Variants in CSMD1 observed in about 807,000 individuals in gnomAD.
CSMD1 encodes the protein CUB and sushi domain-containing protein 1.
In CSMD1, 213 loss-of-function variants were observed where a neutral mutation model predicts 417.5. That is an observed-to-expected ratio of 0.51 (90% CI 0.46 to 0.57). The LOEUF (loss-of-function observed/expected upper bound fraction) is 0.57. Among genes scored for constraint, CSMD1 ranks in the 20% least tolerant of loss-of-function variants. The pLI, the probability that CSMD1 is intolerant of heterozygous loss-of-function variation, is 0.00. For missense variants in CSMD1, 6,923 were observed against 4,529.7 expected, an observed-to-expected ratio of 1.53 and a Z score of -15.17; for synonymous variants, 2,862 against 1,736.8, an observed-to-expected ratio of 1.65 and a Z score of -16.11.
chr8:4,365,773 T>C (rs944745474), intron 3 of CSMD1, among the ~76,000 whole-genome samples: 7 of 152,188 alleles, frequency 4.6e-5, no homozygotes, highest in Non-Finnish European at 1.0e-4. Context: ...GAATTTATAG[T>C]CAAGTCCTGA....
chr8:3,921,350 A>C (rs1271893277), intron 5 of CSMD1, among the ~76,000 whole-genome samples: 1 of 151,994 alleles, frequency 6.6e-6, no homozygotes, highest in East Asian at 1.9e-4. Flanking sequence ...ATAAAATTTC[A>C]GTATTTTTCA....
At chr8:4,183,121 A>G (rs1798471149) in intron 3 of CSMD1, among the ~76,000 whole-genome samples, 1 of 152,194 alleles carries the variant, frequency 6.6e-6, no homozygotes, top group Non-Finnish European at 1.5e-5. Context: ...ATCTTTATGC[A>G]GTGATAATTT....
intron 26 of CSMD1, among the ~76,000 whole-genome samples, chr8:3,239,930 C>T (rs149200134): frequency 0.078 from 11,613 of 148,230 alleles, 640 homozygotes; most frequent in Admixed American, 0.14. Context: ...GTGGGAGACT[C>T]AACAAAGAGT....
At chr8:4,413,019 C>G (rs952816496) in intron 3 of CSMD1, among the ~76,000 whole-genome samples, 4 of 152,176 alleles carry the variant, frequency 2.6e-5, no homozygotes, top group Non-Finnish European at 5.9e-5. Context: ...AACTTGAAGT[C>G]TATACAATGT....
chr8:4,745,687 AT>A (rs1427319139), intron 1 of CSMD1, among the ~76,000 whole-genome samples: 1 of 152,220 alleles, frequency 6.6e-6, no homozygotes, highest in African/African-American at 2.4e-5. Flanking sequence ...AGCTTTCACA[AT>A]TCTTAGCTAC....
chr8:3,656,005 A>T (rs1431447493), intron 7 of CSMD1, among the ~76,000 whole-genome samples: 3 of 152,102 alleles, frequency 2.0e-5, no homozygotes, highest in Non-Finnish European at 4.4e-5. Context: ...TGGTGAAATA[A>T]GTTTTATTCT....
At chr8:3,312,605 C>A (rs185024123) in intron 23 of CSMD1, among the ~76,000 whole-genome samples, 43 of 152,236 alleles carry the variant, frequency 2.8e-4, no homozygotes, top group African/African-American at 9.4e-4. Context: ...TAGGCCTTTA[C>A]AATGGGAAGT....
At chr8:4,243,818 T>A (rs985141916) in intron 3 of CSMD1, among the ~76,000 whole-genome samples, 1 of 152,282 alleles carries the variant, frequency 6.6e-6, no homozygotes, top group African/African-American at 2.4e-5. Context: ...ATCTTTACAA[T>A]GAAACAAAGA....
intron 3 of CSMD1, among the ~76,000 whole-genome samples, chr8:4,151,369 TCA>T (rs1458332533): frequency 2.6e-5 from 4 of 152,196 alleles, no homozygotes; most frequent in African/African-American, 9.6e-5. Flanking sequence ...TAACTACAAT[TCA>T]GTTTCTAGAT....
In CSMD1 at chr8:3,370,514, G is replaced by A. The variant is rs375625073; in HGVS notation, c.2783-1144C>T. Among the ~76,000 whole-genome samples the A allele has an allele frequency of 6.6e-5, 10 of 152,204 alleles. No homozygotes were observed. In the East Asian group the frequency reaches 1.2e-3, roughly 18 times the overall value. Reference sequence around the variant, plus strand: ...CTGTGATGGTGAAGGTTATGTGCCAGTGTGACTGGGCTAAGGGCTGCCCAG... The same window carrying A: ...CTGTGATGGTGAAGGTTATGTGCCAATGTGACTGGGCTAAGGGCTGCCCAG... On this transcript the variant is annotated intron_variant, in intron 18 of 69. Transcript: ENST00000635120.
chr8:3,796,537 T>C (rs1373238549), intron 5 of CSMD1, among the ~76,000 whole-genome samples: 2 of 145,060 alleles, frequency 1.4e-5, no homozygotes, highest in Non-Finnish European at 3.0e-5. Flanking sequence ...CTAAGATATA[T>C]ATCTATATCC....
intron 7 of CSMD1, among the ~76,000 whole-genome samples, chr8:3,618,569 T>C (rs1218072931): frequency 6.6e-6 from 1 of 152,130 alleles, no homozygotes; most frequent in Non-Finnish European, 1.5e-5. Context: ...TTTCTCAATA[T>C]TATATCAAAA....
At chr8:3,878,802 G>A (rs1041962996) in intron 5 of CSMD1, among the ~76,000 whole-genome samples, 19 of 152,068 alleles carry the variant, frequency 1.2e-4, no homozygotes, top group African/African-American at 4.1e-4. Context: ...TAACTATAAC[G>A]ACGACCACAA....
In CSMD1 at chr8:4,594,195, C is replaced by CTTTTTT. The variant is rs771415822; in HGVS notation, c.302+43141_302+43146dup. 9.0e-4 allele frequency among the ~76,000 whole-genome samples: 83 copies of CTTTTTT among 92,370 alleles called. 5 individuals carry two copies. Among genetic ancestry groups the CTTTTTT allele is most frequent in the African/African-American group, 2.7e-3 (62 of 23,276 alleles). 60.6% of individuals were successfully genotyped at this position (92,370 alleles called of 152,430 possible). ...TTAACTTGATTAATTCTAAAGTGAT[C>CTTTTTT]TTTTTTTTTTTTTTTTTTTTTTCTC... On this transcript the variant is annotated intron_variant, in intron 2 of 69. Coordinates refer to ENST00000635120, the MANE Select transcript of CSMD1 (RefSeq NM_033225.6).
intron 1 of CSMD1, among the ~76,000 whole-genome samples, chr8:4,962,560 T>A (rs1809577112): frequency 6.6e-6 from 1 of 152,154 alleles, no homozygotes; most frequent in Non-Finnish European, 1.5e-5. Flanking sequence ...TCTGATTAGT[T>A]TACTATAGGA....
intron 3 of CSMD1, among the ~76,000 whole-genome samples, chr8:4,330,684 G>C (rs1230764083): frequency 1.3e-5 from 2 of 151,930 alleles, no homozygotes; most frequent in Admixed American, 1.3e-4. Flanking sequence ...ACACTCCTAG[G>C]TGTTTGCTCA....
At chr8:4,838,998 C>G (rs966137652) in intron 1 of CSMD1, among the ~76,000 whole-genome samples, 5 of 152,202 alleles carry the variant, frequency 3.3e-5, no homozygotes, top group Non-Finnish European at 7.3e-5. Context: ...ATTTTGCCTC[C>G]TTAACATTCA....
chr8:4,919,658 G>C (rs1043176840), intron 1 of CSMD1, among the ~76,000 whole-genome samples: 1 of 152,134 alleles, frequency 6.6e-6, no homozygotes, highest in Non-Finnish European at 1.5e-5. Flanking sequence ...CCAGTACATT[G>C]TACTACTAAT....
At chr8:2,983,951 A>G (rs993873056) in intron 54 of CSMD1, among the ~76,000 whole-genome samples, 5 of 152,354 alleles carry the variant, frequency 3.3e-5, no homozygotes, top group African/African-American at 1.2e-4. Flanking sequence ...ATGTGAAATT[A>G]AAAATTAATA....
Sources: gnomAD v4.1 joint callset for allele counts (sites outside exome capture counted in the v4.1 genomes callset) on GRCh38, gnomAD v4.1.1 for gene constraint, MANE v1.5 for transcripts, NCBI Gene and HGNC (gene_info 2026-07-23, HGNC 2026-07-21) for gene names.